SASS6: variants seen among roughly 807,000 people sequenced by gnomAD.
SASS6 encodes the protein spindle assembly abnormal protein 6 homolog.
In SASS6, 59 loss-of-function variants were observed where a neutral mutation model predicts 94.9. The ratio of observed to expected loss-of-function variants is 0.62; its 90% CI spans 0.50 to 0.77. The LOEUF (loss-of-function observed/expected upper bound fraction) is 0.77, where lower values mean the gene tolerates loss of function less well. Ranked by LOEUF, SASS6 falls within the 30% of genes least tolerant of loss-of-function variation. SASS6 has a pLI of 0.00. For synonymous variants in SASS6, 264 were observed against 270.0 expected (o/e 0.98, Z 0.22); for missense variants, 698 against 734.1 (o/e 0.95, Z 0.57).
rs539248484 is a variant in SASS6, at chr1:100,100,515, C to T, written c.1674+2440G>A. 9.5e-4 allele frequency among the ~76,000 whole-genome samples: 144 copies of T among 152,250 alleles called. 1 individual carries two copies. Among genetic ancestry groups the T allele is most frequent in the African/African-American group, 3.1e-3 (130 of 41,554 alleles). The stretch of plus-strand genomic sequence containing the variant: ...ATCCAAAAATAAAAGAGAAAAAACA[C>T]GTAGTTTTGTGTATCTTGCTTTAAA... On this transcript the variant is annotated intron_variant, in intron 14 of 16. Coordinates refer to ENST00000287482, the MANE Select transcript of SASS6 (RefSeq NM_194292.3).
chr1:100,120,745 C>G (rs555806371), intron 5 of SASS6, among the ~76,000 whole-genome samples: 6 of 152,286 alleles, frequency 3.9e-5, no homozygotes, highest in Non-Finnish European at 1.5e-5. Flanking sequence ...TTCCATATAT[C>G]TTATCTCATT....
At chr1:100,087,614 T>C (rs1651402715) in intron 15 of SASS6, among the ~76,000 whole-genome samples, 1 of 152,150 alleles carries the variant, frequency 6.6e-6, no homozygotes, top group Non-Finnish European at 1.5e-5. Flanking sequence ...AGTCGCAAAA[T>C]GGCATTAAAG....
At chr1:100,114,960 G>A (rs549664022) in intron 7 of SASS6, among the ~76,000 whole-genome samples, 14 of 152,070 alleles carry the variant, frequency 9.2e-5, no homozygotes, top group East Asian at 1.9e-4. Flanking sequence ...AAATTCTCAG[G>A]TAGCAAGGAA....
At chr1:100,125,222 A>AGTGT (rs59388922) in intron 2 of SASS6, among the ~76,000 whole-genome samples, 3,736 of 143,692 alleles carry the variant, frequency 0.026, 94 homozygotes, top group African/African-American at 0.059. Context: ...ACAAGGCAGC[A>AGTGT]GTGTGTGTGT....
chr1:100,116,572 A>G (rs181716347), intron 7 of SASS6, among the ~76,000 whole-genome samples: 1 of 152,192 alleles, frequency 6.6e-6, no homozygotes, highest in African/African-American at 2.4e-5. Flanking sequence ...CCACAAAAAG[A>G]TAAGTACAAG....
chr1:100,121,672 A>G (rs1654211409), intron 4 of SASS6, 123 bp from the exon 5 acceptor site: 1 of 583,892 alleles, frequency 1.7e-6, no homozygotes, highest in Non-Finnish European at 3.0e-6. Flanking sequence ...TCCCAATGGT[A>G]AAAGATAAAT....
intron 14 of SASS6, among the ~76,000 whole-genome samples, chr1:100,100,479 G>A (rs982873733): frequency 6.6e-6 from 1 of 152,090 alleles, no homozygotes; most frequent in Non-Finnish European, 1.5e-5. Context: ...TGAATCTTTG[G>A]CTATCATTGT....
rs138882308 is a variant in SASS6, at chr1:100,123,254, T to A, written c.162A>T (p.Pro54=). 22 of 1,561,616 alleles carry A rather than the reference T, an allele frequency of 1.4e-5. No individual in the cohort carries two copies. The highest frequency in any genetic ancestry group is 2.3e-5 in the South Asian group (2 of 86,560). The change falls in exon 3 of 17, where the codon CCA becomes CCT. Residue 54 remains proline (P), a synonymous_variant. Transcript: ENST00000287482. ...ATATAACAAGGTTATATAAAAAAAA[T>A]GGATCCGTGTCATCAGTCAGACGAA... ...LVIRLTDDTD[P]FFLYNLVISE...
At chr1:100,131,167 G>A (rs1654986647) in intron 1 of SASS6, among the ~76,000 whole-genome samples, 1 of 151,692 alleles carries the variant, frequency 6.6e-6, no homozygotes, top group South Asian at 2.1e-4. Context: ...TGTGAGCCAG[G>A]TATGTAATTT....
At chr1:100,086,141 C>T (rs1343161606) in intron 15 of SASS6, among the ~76,000 whole-genome samples, 1 of 152,028 alleles carries the variant, frequency 6.6e-6, no homozygotes, top group Non-Finnish European at 1.5e-5. Flanking sequence ...TTCTGTGTTT[C>T]CCCTTTCTAC....
rs928821118 is a variant in SASS6 at position 100,125,281 on chromosome 1, T to A, written c.126+601A>T. Reference sequence around the variant, plus strand: ...TGACCAACAGCAATAAAATATATTTTTATATATATGTTATTATATATATAT... The same window carrying A: ...TGACCAACAGCAATAAAATATATTTATATATATATGTTATTATATATATAT... On this transcript the variant is annotated intron_variant, in intron 2 of 16. Coordinates refer to ENST00000287482, the MANE Select transcript of SASS6 (RefSeq NM_194292.3). 5.6e-4 allele frequency among the ~76,000 whole-genome samples: 84 copies of A among 148,958 alleles called. 1 individual carries two copies. The highest frequency in any genetic ancestry group is 1.5e-3 in the Admixed American group (22 of 15,020).
At position 100,110,060 on chromosome 1, in the gene SASS6, G is replaced by A. The variant is rs17121900; in HGVS notation, c.861+232C>T. On this transcript the variant is annotated intron_variant, in intron 8 of 16. Coordinates refer to ENST00000287482, the MANE Select transcript of SASS6 (RefSeq NM_194292.3). ...ATTGATAAATCTGACAGCTGTGCCAGTAATCTGCTCTCAAGACCCTAACTA... is the reference window on the plus strand; with the variant it reads ...ATTGATAAATCTGACAGCTGTGCCAATAATCTGCTCTCAAGACCCTAACTA... 0.049 allele frequency among the ~76,000 whole-genome samples: 7,428 copies of A among 152,062 alleles called. 206 individuals are homozygous for A. Among genetic ancestry groups the A allele is most frequent in the African/African-American group, 0.068 (2,837 of 41,512 alleles).
At chr1:100,086,734 G>C (rs1249624907) in intron 15 of SASS6, among the ~76,000 whole-genome samples, 1 of 150,206 alleles carries the variant, frequency 6.7e-6, no homozygotes, top group Admixed American at 6.6e-5. Context: ...AGGCTGGAGT[G>C]CAGTGGCAGG....
At position 100,085,593 on chromosome 1, in the gene SASS6, T is replaced by A. The variant is rs907547766; in HGVS notation, c.1810A>T (p.Lys604Ter). The change falls in exon 16 of 17, where the codon AAA becomes TAA. Residue 604 changes from lysine to a stop codon, truncating the protein, a stop_gained. Coordinates refer to ENST00000287482, the MANE Select transcript of SASS6 (RefSeq NM_194292.3). LOFTEE classifies it high-confidence loss of function. ...NVGLESKYLK[K>*]REDSIPLRGL... is the part of the protein sequence containing the mutation. The stretch of plus-strand genomic sequence containing the variant: ...CGTAAAGGAATGCTATCTTCCCTTT[T>A]CTTCAGGTATTTGGATTCCAACCCT... 3.1e-6 allele frequency: 5 copies of A among 1,612,836 alleles called. No individual in the cohort carries two copies. Among genetic ancestry groups the A allele is most frequent in the Non-Finnish European group, 4.2e-6 (5 of 1,179,108 alleles).
intron 7 of SASS6, among the ~76,000 whole-genome samples, chr1:100,113,347 G>C (rs1053897950): frequency 2.0e-5 from 3 of 152,018 alleles, no homozygotes; most frequent in South Asian, 4.1e-4. Context: ...GGTGGCTCAC[G>C]CCTGTAATCC....
At chr1:100,110,565 A>T (rs1026938222) in intron 7 of SASS6, 82 bp from the exon 8 acceptor site, 5 of 685,472 alleles carry the variant, frequency 7.3e-6, no homozygotes, top group Non-Finnish European at 1.1e-5. Context: ...AACAAAAAAA[A>T]ATTGTAATTT....
At chr1:100,101,668 G>A (rs1166375869) in intron 14 of SASS6, among the ~76,000 whole-genome samples, 1 of 152,126 alleles carries the variant, frequency 6.6e-6, no homozygotes, top group Admixed American at 6.5e-5. Flanking sequence ...TACTGAAACT[G>A]ATAATAAAAC....
At chr1:100,132,382 G>A (rs1260915298) in intron 1 of SASS6, among the ~76,000 whole-genome samples, 3 of 152,132 alleles carry the variant, frequency 2.0e-5, no homozygotes. Flanking sequence ...TTCTAGTCCT[G>A]ACCCTGCCAT....
intron 7 of SASS6, among the ~76,000 whole-genome samples, chr1:100,117,416 G>A (rs187134493): frequency 9.2e-5 from 14 of 152,184 alleles, no homozygotes; most frequent in Admixed American, 7.8e-4. Flanking sequence ...ACTTTGGGAG[G>A]CCAAGGTGGG....
Sources: gnomAD v4.1 joint callset for allele counts (sites outside exome capture counted in the v4.1 genomes callset) on GRCh38, gnomAD v4.1.1 for gene constraint, MANE v1.5 for transcripts, NCBI Gene and HGNC (gene_info 2026-07-23, HGNC 2026-07-21) for gene names.